The following HERC5 variants were observed in gnomAD, a reference collection of about 807,000 sequenced individuals.
HERC5 encodes the protein HECT and RLD domain containing E3 ubiquitin protein ligase 5.
A neutral mutation model predicts 119.6 loss-of-function variants in HERC5; 99 were observed. The ratio of observed to expected loss-of-function variants is 0.83; its 90% confidence interval spans 0.70 to 0.98. The LOEUF is 0.98. Among genes scored for constraint, HERC5 ranks in the 50% least tolerant of loss-of-function variants. The probability of loss-of-function intolerance (pLI) is 0.00; values close to 1 mark genes in which losing one functional copy is unlikely to be tolerated. For synonymous variants in HERC5, 478 were observed against 445.9 expected (o/e 1.07, Z -0.91); for missense variants, 1,267 against 1,241.3 (o/e 1.02, Z -0.31).
rs2149085925 is a variant in HERC5 at position 88,463,586 on chromosome 4, T to C, written c.743T>C (p.Val248Ala). ...CTAGACAATCAGAAAGTTGAATTTG[T>C]CGCTTGTGGTGGCTCTCACAGTGCC... ...EGLDNQKVEF[V>A]ACGGSHSALL... Residue 248 changes from valine to alanine, a missense_variant, in exon 5 of 23, where the codon GTC becomes GCC. By Grantham distance (64) the Val-to-Ala change is moderately conservative (BLOSUM62 0). Coordinates refer to ENST00000264350, the MANE Select transcript of HERC5 (RefSeq NM_016323.4). The C allele has an allele frequency of 6.2e-7, 1 of 1,613,816 alleles. No individual in the cohort carries two copies. The highest frequency in any genetic ancestry group is 2.2e-5 in the East Asian group (1 of 44,856).
chr4:88,461,633 A>G (rs1740447636), intron 3 of HERC5, among the ~76,000 whole-genome samples: 1 of 152,236 alleles, frequency 6.6e-6, no homozygotes, highest in Non-Finnish European at 1.5e-5. Context: ...TGCTCCATAT[A>G]TTCAGTTAAT....
At chr4:88,471,062 C>T (rs1351404604) in intron 10 of HERC5, among the ~76,000 whole-genome samples, 1 of 151,718 alleles carries the variant, frequency 6.6e-6, no homozygotes, top group Admixed American at 6.6e-5. Context: ...ACCTCTGCCT[C>T]CTAGGCTCAA....
intron 1 of HERC5, 111 bp from the exon 2 acceptor site, chr4:88,459,236 C>T (rs1740317656): frequency 2.3e-6 from 2 of 881,470 alleles, no homozygotes; most frequent in South Asian, 6.8e-5. Context: ...TAAGTCAAAG[C>T]TTGTCTAGTT....
intron 1 of HERC5, chr4:88,457,855 C>G (rs901471326): frequency 3.0e-6 from 3 of 995,220 alleles, no homozygotes; most frequent in Non-Finnish European, 3.7e-6. Flanking sequence ...GTTTGTACCC[C>G]CGTCCCCCGC....
chr4:88,462,097 A>C, intron 3 of HERC5, 38 bp from the exon 4 acceptor site: 1 of 1,550,428 alleles, frequency 6.4e-7, no homozygotes, highest in Non-Finnish European at 8.8e-7. Context: ...GCTGCATTTT[A>C]AATGGAATAA....
At position 88,501,053 on chromosome 4, in the gene HERC5, T is replaced by C. The variant is rs1224205646; in HGVS notation, c.2582+68T>C. On this transcript the variant is annotated intron_variant, in intron 20 of 22. Coordinates refer to ENST00000264350, the MANE Select transcript of HERC5 (RefSeq NM_016323.4). ...TTTTATTTTACTGAGCTCTAAAAATTCCTTTTAGCTCTTTAATTTTTCATT... is the reference window on the plus strand; with the variant it reads ...TTTTATTTTACTGAGCTCTAAAAATCCCTTTTAGCTCTTTAATTTTTCATT... 3 of 1,042,416 alleles carry C rather than the reference T, an allele frequency of 2.9e-6. No homozygotes were observed. The African/African-American group carries it at 4.9e-5, about 17-fold the overall frequency. The allele number at this position is 1,042,416 out of a possible 1,614,324, so 64.6% of individuals were successfully genotyped here.
At chr4:88,468,985 C>A (rs1266476518) in intron 8 of HERC5, among the ~76,000 whole-genome samples, 172 bp from the exon 9 acceptor site, 1 of 152,182 alleles carries the variant, frequency 6.6e-6, no homozygotes, top group East Asian at 1.9e-4. Flanking sequence ...AAGAAAGTGG[C>A]AACCAGGCAA....
chr4:88,462,250 T>C lies in HERC5; in HGVS notation c.582T>C (p.Ala194=). 2 of 1,614,176 alleles carry C rather than the reference T, an allele frequency of 1.2e-6. No homozygotes were observed. The highest frequency in any genetic ancestry group is 1.7e-6 in the Non-Finnish European group (2 of 1,180,026). Residue 194 remains alanine (A), a synonymous_variant, in exon 4 of 23, where the codon GCT becomes GCC. Transcript: ENST00000264350. ...IVEHLAGVPL[A]QISAGEAHSM... ...AGCACCTCGCAGGAGTACCCTTGGC[T>C]CAGATTTCTGCCGGAGAAGCCCACA...
Position 88,460,134 on chromosome 4 carries a change from C to A in HERC5, c.429C>A (p.Ile143=). The A allele has an allele frequency of 6.3e-7, 1 of 1,588,208 alleles. No individual in the cohort carries two copies. Among genetic ancestry groups the A allele is most frequent in the Non-Finnish European group, 8.6e-7 (1 of 1,159,478 alleles). The change falls in exon 3 of 23, where the codon ATC becomes ATA. Residue 143 remains isoleucine (I), a synonymous_variant. Transcript: ENST00000264350. ...SILQEKKIIQ[I]TCGDYHSLAL... ...TACAAGAAAAAAAAATAATTCAGAT[C>A]ACATGTGGAGATTACCATTCTCTTG... is the stretch of plus-strand genomic sequence containing the variant.
In HERC5 at chr4:88,487,074, T is replaced by C; in HGVS notation, c.1857T>C (p.Ala619=). The part of the protein sequence containing the change: ...RRYLWKMTVD[A]SENVQCCVIF... Reference sequence around the variant, plus strand: ...ATTGTCATTTCCATTTTTAGGACGCTTCAGAAAATGTACAATGCTGCGTCA... The same window carrying C: ...ATTGTCATTTCCATTTTTAGGACGCCTCAGAAAATGTACAATGCTGCGTCA... The change falls in exon 15 of 23, where the codon GCT becomes GCC. Residue 619 remains alanine, a synonymous_variant. Transcript: ENST00000264350. The C allele has an allele frequency of 1.2e-6, 2 of 1,606,338 alleles. No individual in the cohort carries two copies. Among genetic ancestry groups the C allele is most frequent in the Non-Finnish European group, 1.7e-6 (2 of 1,175,450 alleles).
intron 14 of HERC5, among the ~76,000 whole-genome samples, chr4:88,486,759 G>A (rs369004430): frequency 9.5e-4 from 144 of 152,268 alleles, no homozygotes; most frequent in African/African-American, 3.0e-3. Flanking sequence ...ATCATTCTCC[G>A]TTTATCAAAT....
chr4:88,465,949 T>C (rs1223461007), intron 6 of HERC5, among the ~76,000 whole-genome samples: 1 of 152,170 alleles, frequency 6.6e-6, no homozygotes, highest in African/African-American at 2.4e-5. Flanking sequence ...ATCAGAGAAA[T>C]TCACCCAAGT....
At chr4:88,472,008 T>C (rs907073517) in intron 10 of HERC5, among the ~76,000 whole-genome samples, 2 of 151,380 alleles carry the variant, frequency 1.3e-5, no homozygotes, top group African/African-American at 2.4e-5. Context: ...CTTTCTTTCT[T>C]TTTCTGAGGC....
intron 7 of HERC5, 56 bp from the exon 8 acceptor site, chr4:88,468,290 T>A: frequency 2.6e-6 from 3 of 1,169,478 alleles, no homozygotes; most frequent in Non-Finnish European, 3.8e-6. Flanking sequence ...AAATTGAACA[T>A]GCATGTTTGT....
intron 13 of HERC5, among the ~76,000 whole-genome samples, chr4:88,483,635 C>T (rs190247439): frequency 2.0e-4 from 30 of 147,754 alleles, no homozygotes; most frequent in Middle Eastern, 3.6e-3. Context: ...TTCAAGCTAT[C>T]GTCGTGCCTC....
intron 1 of HERC5, chr4:88,457,933 G>C (rs961247667): frequency 2.0e-6 from 2 of 1,008,174 alleles, no homozygotes; most frequent in African/African-American, 3.4e-5. Context: ...GTCGTTCTCA[G>C]TGATGGGATT....
In HERC5 at chr4:88,479,445, GA is replaced by G. The variant is rs1169104525; in HGVS notation, c.1678del (p.Ser560ValfsTer12). 6.2e-7 allele frequency: 1 copy of G among 1,613,330 alleles called. No homozygotes were observed. The highest frequency in any genetic ancestry group is 8.5e-7 in the Non-Finnish European group (1 of 1,179,766). ...CATATGCCAGTTGGATTACTGGGATGAAAGTGCTGAGGAGAATGGTAATGTT... is the reference window on the plus strand; with the variant it reads ...CATATGCCAGTTGGATTACTGGGATGAAGTGCTGAGGAGAATGGTAATGTT... ...AVICQLDYWD[E>X]SAEENGNVQA... On this transcript the variant is annotated frameshift_variant, in exon 13 of 23. Transcript: ENST00000264350. LOFTEE classifies it high-confidence loss of function.
chr4:88,504,634 T>A, intron 22 of HERC5, 37 bp downstream of exon 22: 1 of 1,289,026 alleles, frequency 7.8e-7, no homozygotes, highest in Middle Eastern at 2.1e-4. Context: ...TGTAATCGTA[T>A]GTCTTTTTAA....
chr4:88,492,078 A>G (rs1033234449), intron 16 of HERC5, among the ~76,000 whole-genome samples: 1 of 152,214 alleles, frequency 6.6e-6, no homozygotes, highest in Non-Finnish European at 1.5e-5. Context: ...ACCTTGGCTC[A>G]TGGCAACCTT....
Sources: allele counts gnomAD v4.1 joint callset (sites outside exome capture counted in the v4.1 genomes callset), GRCh38; gene constraint gnomAD v4.1.1; transcripts MANE v1.5; gene names NCBI Gene and HGNC (gene_info 2026-07-23, HGNC 2026-07-21).